Variants in RANBP2 observed in about 807,000 individuals in gnomAD.
The protein encoded by RANBP2 is RAN binding protein 2, also known as E3 SUMO-protein ligase RanBP2.
Under a neutral mutation model 303.6 loss-of-function variants are expected in RANBP2, and 57 were observed. That is an observed-to-expected ratio of 0.19 (90% CI 0.15 to 0.23). The LOEUF (loss-of-function observed/expected upper bound fraction) is 0.23, where lower values mean the gene tolerates loss of function less well. Ranked by LOEUF, RANBP2 falls within the 10% of genes least tolerant of loss-of-function variation. The pLI is 1.00. For missense variants in RANBP2, 3,138 were observed against 3,780.8 expected (o/e 0.83, Z 4.46); for synonymous variants, 1,167 against 1,301.5 (o/e 0.90, Z 2.23).
At chr2:109,169,648 G>A in the RANBP2 span, among the ~76,000 whole-genome samples, 3 of 152,086 alleles carry the variant, frequency 2.0e-5, no homozygotes, top group Non-Finnish European at 4.4e-5. Flanking sequence ...GTTGGGCAAT[G>A]TATTTGAACA....
At chr2:109,491,069 C>T in the RANBP2 span, 1 of 803,152 alleles carries the variant, frequency 1.2e-6, no homozygotes, top group Admixed American at 3.6e-5. Context: ...ACACCCAGAT[C>T]CACATGGTCC....
At chr2:109,325,153 C>T in the RANBP2 span, among the ~76,000 whole-genome samples, 22 of 152,118 alleles carry the variant, frequency 1.4e-4, no homozygotes, top group South Asian at 1.7e-3. Flanking sequence ...CTGCAGTGCT[C>T]GGAAACAACT....
chr2:109,438,373 C>T, the RANBP2 span, among the ~76,000 whole-genome samples: 3 of 152,144 alleles, frequency 2.0e-5, no homozygotes, highest in Non-Finnish European at 4.4e-5. Flanking sequence ...TGTCTGGCAC[C>T]ATCAGTGGGT....
chr2:108,967,740 T>C, the RANBP2 span, among the ~76,000 whole-genome samples: 1 of 152,180 alleles, frequency 6.6e-6, no homozygotes, highest in East Asian at 1.9e-4. Flanking sequence ...ACACAGTCTA[T>C]TGGGAAAAAC....
At chr2:109,120,649 A>G in the RANBP2 span, among the ~76,000 whole-genome samples, 1 of 147,534 alleles carries the variant, frequency 6.8e-6, no homozygotes, top group Non-Finnish European at 1.5e-5. Context: ...CCTGGGCAAA[A>G]AGAGCGAAAC....
chr2:109,590,258 G>A, the RANBP2 span, among the ~76,000 whole-genome samples: 5 of 151,834 alleles, frequency 3.3e-5, no homozygotes, highest in East Asian at 7.8e-4. Flanking sequence ...TCAGATGGTC[G>A]CTAACACCGA....
chr2:109,373,314 T>C, the RANBP2 span, among the ~76,000 whole-genome samples: 1 of 152,246 alleles, frequency 6.6e-6, no homozygotes, highest in African/African-American at 2.4e-5. Flanking sequence ...GCCAAACTTT[T>C]TTCTCCAGGC....
At chr2:109,380,502 T>G in the RANBP2 span, among the ~76,000 whole-genome samples, 1 of 152,196 alleles carries the variant, frequency 6.6e-6, no homozygotes, top group South Asian at 2.1e-4. Flanking sequence ...TCTAAATGGG[T>G]CTAAGCTGGG....
the RANBP2 span, chr2:108,931,113 G>A: frequency 6.5e-5 from 73 of 1,118,286 alleles, no homozygotes; most frequent in Non-Finnish European, 9.4e-5. Flanking sequence ...AACCCCACTG[G>A]ATATAAGGTG....
chr2:109,463,768 A>G, the RANBP2 span, among the ~76,000 whole-genome samples: 1 of 152,170 alleles, frequency 6.6e-6, no homozygotes, highest in Non-Finnish European at 1.5e-5. Flanking sequence ...ACATGCTAAG[A>G]CCATGGAGAA....
the RANBP2 span, chr2:109,399,001 C>T: frequency 6.6e-7 from 1 of 1,505,184 alleles, no homozygotes; most frequent in Non-Finnish European, 8.9e-7. Flanking sequence ...CTATCCTCAG[C>T]TCCGTGTTCA....
the RANBP2 span, among the ~76,000 whole-genome samples, chr2:109,413,438 C>T: frequency 1.3e-5 from 2 of 152,168 alleles, no homozygotes; most frequent in Non-Finnish European, 2.9e-5. Flanking sequence ...AGGATTCATT[C>T]TTAACAGGAA....
chr2:109,231,158 G>A, the RANBP2 span, among the ~76,000 whole-genome samples: 1,345 of 152,286 alleles, frequency 8.8e-3, 16 homozygotes, highest in African/African-American at 0.031. Flanking sequence ...CTCTCCTCCC[G>A]GAGCCAGGCC....
At chr2:108,929,137 T>TA in the RANBP2 span, 3 of 1,596,746 alleles carry the variant, frequency 1.9e-6, no homozygotes, top group Non-Finnish European at 1.7e-6. Context: ...TCCTTGCCCG[T>TA]AGCCCCTCGG....
At chr2:109,031,790 A>G in the RANBP2 span, among the ~76,000 whole-genome samples, 1 of 152,128 alleles carries the variant, frequency 6.6e-6, no homozygotes, top group Non-Finnish European at 1.5e-5. Flanking sequence ...AAGCTGCCCC[A>G]CTTTGCCCCC....
chr2:108,929,157 C>T, the RANBP2 span: 2 of 1,612,334 alleles, frequency 1.2e-6, no homozygotes, highest in Non-Finnish European at 1.7e-6. Flanking sequence ...GGGTTTTCTG[C>T]AGAAAGCATG....
At chr2:108,933,715 G>A in the RANBP2 span, among the ~76,000 whole-genome samples, 1 of 152,180 alleles carries the variant, frequency 6.6e-6, no homozygotes, top group South Asian at 2.1e-4. Flanking sequence ...TGGTGAACTC[G>A]CTGGGTGTTT....
chr2:109,682,562 C>A, the RANBP2 span, among the ~76,000 whole-genome samples: 1 of 152,080 alleles, frequency 6.6e-6, no homozygotes, highest in Admixed American at 6.5e-5. Context: ...ACACTTTTTC[C>A]CTACCTACAT....
the RANBP2 span, among the ~76,000 whole-genome samples, chr2:109,348,852 C>G: frequency 6.6e-6 from 1 of 152,136 alleles, no homozygotes; most frequent in Non-Finnish European, 1.5e-5. Flanking sequence ...ATGACAGAGC[C>G]AGAATCCTAA....
Sources: gnomAD v4.1 joint callset for allele counts (sites outside exome capture counted in the v4.1 genomes callset) on GRCh38, gnomAD v4.1.1 for gene constraint, MANE v1.5 for transcripts, NCBI Gene and HGNC (gene_info 2026-07-23, HGNC 2026-07-21) for gene names.